TIAM2: variants seen among roughly 807,000 people sequenced by gnomAD.
The protein encoded by TIAM2 is rho guanine nucleotide exchange factor TIAM2.
A neutral mutation model predicts 152.9 loss-of-function variants in TIAM2; 80 were observed. That is an observed-to-expected ratio of 0.52 (90% CI 0.44 to 0.63). The LOEUF is 0.63. Ranked by LOEUF, TIAM2 falls within the 30% of genes least tolerant of loss-of-function variation. The pLI is 0.00. For synonymous variants in TIAM2, 804 were observed against 838.0 expected (o/e 0.96, Z 0.70); for missense variants, 1,965 against 2,120.1 (o/e 0.93, Z 1.44).
intron 1 of TIAM2, among the ~76,000 whole-genome samples, chr6:155,044,022 A>T (rs1777105637): frequency 6.6e-6 from 1 of 152,142 alleles, no homozygotes; most frequent in South Asian, 2.1e-4. Flanking sequence ...GATCTTGTGG[A>T]TATTGGCCAA....
Position 155,254,581 on chromosome 6 carries a change from T to G in TIAM2, c.4468+8T>G, listed in dbSNP as rs758452944. 1 of 1,608,568 alleles carries G rather than the reference T, an allele frequency of 6.2e-7. No individual in the cohort carries two copies. On this transcript the variant is annotated splice_region_variant and intron_variant, in intron 26 of 26. Coordinates refer to ENST00000682666, the MANE Select transcript of TIAM2 (RefSeq NM_012454.4). ...CTGTTTCGGCCAAATTAGGTGAGAA[T>G]TTTGCTAGCCTTGTGTTTATTCAAC...
intron 7 of TIAM2, among the ~76,000 whole-genome samples, chr6:155,160,214 C>T (rs899386603): frequency 6.6e-6 from 1 of 152,036 alleles, no homozygotes; most frequent in Non-Finnish European, 1.5e-5. Flanking sequence ...GACTGGTAGG[C>T]TCAAGATTGA....
At chr6:155,024,734 T>C (rs1460273305) in intron 1 of TIAM2, among the ~76,000 whole-genome samples, 1 of 152,040 alleles carries the variant, frequency 6.6e-6, no homozygotes, top group Non-Finnish European at 1.5e-5. Context: ...CAAGAAAGGA[T>C]TTCATTTTAC....
chr6:155,199,818 G>A (rs867181514), intron 14 of TIAM2, among the ~76,000 whole-genome samples: 4 of 152,190 alleles, frequency 2.6e-5, no homozygotes, highest in Non-Finnish European at 5.9e-5. Context: ...ATAATAGCAG[G>A]CTGTCTCAAT....
chr6:155,179,260 G>A, intron 11 of TIAM2, 117 bp downstream of exon 11: 1 of 1,416,600 alleles, frequency 7.1e-7, no homozygotes, highest in South Asian at 1.2e-5. Flanking sequence ...TTTGGAAACA[G>A]TCTCTATATA....
chr6:155,092,569 G>T (rs1295911711), intron 2 of TIAM2, among the ~76,000 whole-genome samples: 2 of 151,316 alleles, frequency 1.3e-5, no homozygotes, highest in Non-Finnish European at 2.9e-5. Context: ...TACAAATTAG[G>T]TTTAAAAATA....
At chr6:154,999,235 C>T (rs1005858276) in intron 1 of TIAM2, among the ~76,000 whole-genome samples, 4 of 139,092 alleles carry the variant, frequency 2.9e-5, no homozygotes, top group African/African-American at 1.0e-4. Flanking sequence ...TTTTTTGAGA[C>T]AGAGTCTCGC....
Position 155,257,483 on chromosome 6 carries a change from TC to T in TIAM2, c.*363del. 3.0e-6 allele frequency: 1 copy of T among 336,518 alleles called. No homozygotes were observed. The highest frequency in any genetic ancestry group is 3.6e-5 in the South Asian group (1 of 28,030). The allele number at this position is 336,518 out of a possible 1,614,324, so 20.8% of individuals were successfully genotyped here. ...ATTTTTTAAAATCCTCTGGGCATTT[TC>T]TTTCAGCTGTTTGTTAGTTTTTGCT... is the stretch of plus-strand genomic sequence containing the variant. On this transcript the variant is annotated 3_prime_UTR_variant, in exon 27 of 27. Transcript: ENST00000682666.
intron 14 of TIAM2, 141 bp downstream of exon 14, chr6:155,183,641 C>A: frequency 2.1e-6 from 2 of 953,994 alleles, no homozygotes; most frequent in Non-Finnish European, 2.9e-6. Context: ...CAGATGCCAA[C>A]TGGAGTAGAT....
In TIAM2 at chr6:155,254,052, G is replaced by T. The variant is rs148696218; in HGVS notation, c.4305G>T (p.Leu1435Phe). Reference protein sequence around the residue: ...IEGRPETIFQLCCSDSESKTN... With the variant: ...IEGRPETIFQFCCSDSESKTN... Reference sequence around the variant, plus strand: ...GACGGCCAGAAACCATCTTTCAGTTGTGTTGCAGGTATGACTGACTTCCAA... The same window carrying T: ...GACGGCCAGAAACCATCTTTCAGTTTTGTTGCAGGTATGACTGACTTCCAA... Residue 1435 changes from leucine (L) to phenylalanine (F), a missense_variant, in exon 25 of 27, where the codon TTG becomes TTT. Leu to Phe is a conservative substitution (Grantham distance 22, BLOSUM62 0). Transcript: ENST00000682666. 4.4e-5 allele frequency: 71 copies of T among 1,613,908 alleles called. No individual in the cohort carries two copies. In the Admixed American group the frequency reaches 1.1e-3, roughly 25 times the overall value.
intron 1 of TIAM2, among the ~76,000 whole-genome samples, chr6:155,087,725 G>A (rs1778204021): frequency 6.6e-6 from 1 of 151,696 alleles, no homozygotes; most frequent in Non-Finnish European, 1.5e-5. Flanking sequence ...CTCCAGCCTG[G>A]GTGACAGAGT....
intron 7 of TIAM2, among the ~76,000 whole-genome samples, chr6:155,148,913 C>T (rs1779881712): frequency 6.6e-6 from 1 of 152,204 alleles, no homozygotes; most frequent in African/African-American, 2.4e-5. Flanking sequence ...ATTTTTATTT[C>T]CCTTTGCTCA....
At chr6:155,222,640 A>T (rs1459527382) in intron 15 of TIAM2, among the ~76,000 whole-genome samples, 3 of 150,576 alleles carry the variant, frequency 2.0e-5, no homozygotes, top group Non-Finnish European at 3.0e-5. Context: ...CACAAAAAAA[A>T]CCATGGGTTT....
chr6:155,253,683 G>A, intron 24 of TIAM2: 1 of 293,140 alleles, frequency 3.4e-6, no homozygotes, highest in Non-Finnish European at 6.2e-6. Context: ...AAAGGAGGTT[G>A]AAGAATAGGA....
intron 1 of TIAM2, among the ~76,000 whole-genome samples, chr6:155,006,810 T>C (rs1438757632): frequency 6.6e-6 from 1 of 151,426 alleles, no homozygotes; most frequent in African/African-American, 2.4e-5. Flanking sequence ...TGCCTCAGCC[T>C]CCTGAGTAGC....
chr6:155,225,955 G>A (rs1375018348), intron 15 of TIAM2, among the ~76,000 whole-genome samples: 1 of 152,174 alleles, frequency 6.6e-6, no homozygotes, highest in Non-Finnish European at 1.5e-5. Context: ...GCCCTTGGCA[G>A]TACCCCTGCT....
At chr6:155,007,315 T>C (rs1778418708) in intron 1 of TIAM2, among the ~76,000 whole-genome samples, 1 of 152,116 alleles carries the variant, frequency 6.6e-6, no homozygotes, top group Admixed American at 6.5e-5. Context: ...CACATATAAA[T>C]GCAGCACAGG....
intron 7 of TIAM2, among the ~76,000 whole-genome samples, chr6:155,161,965 T>C (rs1294562299): frequency 6.6e-6 from 1 of 151,832 alleles, no homozygotes; most frequent in African/African-American, 2.4e-5. Flanking sequence ...TTTCTTTCCT[T>C]TTTTTCTTTT....
chr6:155,040,426 C>G (rs1043196180), intron 1 of TIAM2, among the ~76,000 whole-genome samples: 1 of 152,174 alleles, frequency 6.6e-6, no homozygotes, highest in African/African-American at 2.4e-5. Flanking sequence ...TTAATGAAGC[C>G]TAACAGCCTA....
Sources: allele counts gnomAD v4.1 joint callset (sites outside exome capture counted in the v4.1 genomes callset), GRCh38; gene constraint gnomAD v4.1.1; transcripts MANE v1.5; gene names NCBI Gene and HGNC (gene_info 2026-07-23, HGNC 2026-07-21).